Variants in TMEM231 observed in about 807,000 individuals in gnomAD.
TMEM231 encodes transmembrane protein 231.
TMEM231 carries 40 observed loss-of-function variants against 38.5 expected under a neutral mutation model. The ratio of observed to expected loss-of-function variants is 1.04; its 90% CI spans 0.81 to 1.35. The LOEUF (loss-of-function observed/expected upper bound fraction) is 1.35. TMEM231 is among the 40% of genes most tolerant of loss of function. TMEM231 has a pLI of 0.00. For synonymous variants in TMEM231, 199 were observed against 181.7 expected, an observed-to-expected ratio of 1.10 and a Z score of -0.77; for missense variants, 420 against 416.9, an observed-to-expected ratio of 1.01 and a Z score of -0.07.
At chr16:75,548,857 G>C (rs1204591714) in intron 2 of TMEM231, among the ~76,000 whole-genome samples, 4 of 152,186 alleles carry the variant, frequency 2.6e-5, no homozygotes, top group Non-Finnish European at 4.4e-5. Flanking sequence ...GACAGAGCAA[G>C]ACTCTATCTC....
intron 2 of TMEM231, among the ~76,000 whole-genome samples, chr16:75,552,753 C>T (rs1207089227): frequency 1.3e-5 from 2 of 152,164 alleles, no homozygotes; most frequent in Non-Finnish European, 2.9e-5. Context: ...CAGGTGTAAG[C>T]AATGAGAACT....
intron 4 of TMEM231, among the ~76,000 whole-genome samples, chr16:75,543,139 C>G (rs2080647098): frequency 6.6e-6 from 1 of 151,856 alleles, no homozygotes; most frequent in Non-Finnish European, 1.5e-5. Flanking sequence ...ATCCCAGTGA[C>G]TTGGGAGGCT....
Position 75,539,041 on chromosome 16 carries a change from C to T in TMEM231, c.*953G>A, listed in dbSNP as rs1452199270. 1 of 152,200 alleles carries T rather than the reference C, an allele frequency of 6.6e-6. No individual in the cohort carries two copies. Among genetic ancestry groups the T allele is most frequent in the Non-Finnish European group, 1.5e-5 (1 of 68,060 alleles). 9.4% of individuals were successfully genotyped at this position (152,200 alleles called of 1,614,324 possible). A position where few individuals can be genotyped will look rare whatever the true frequency, so the allele number is the denominator to read the frequency against. On this transcript the variant is annotated 3_prime_UTR_variant, in exon 7 of 7. Transcript: ENST00000258173. ...GTCAAGGGAAACGCCAGCCGCTGGGCTTCCCGCTAGCCTTCCAAATAAACT... is the reference window on the plus strand; with the variant it reads ...GTCAAGGGAAACGCCAGCCGCTGGGTTTCCCGCTAGCCTTCCAAATAAACT...
chr16:75,555,866 A>C lies in TMEM231; in HGVS notation c.247T>G (p.Trp83Gly), dbSNP rs774091057. 9 of 1,588,990 alleles carry C rather than the reference A, an allele frequency of 5.7e-6. No individual in the cohort carries two copies. The highest frequency in any genetic ancestry group is 2.7e-5 in the African/African-American group (2 of 74,308). Residue 83 changes from tryptophan (W) to glycine (G), a missense_variant, in exon 2 of 7, where the codon TGG becomes GGG. By Grantham distance (184) the Trp-to-Gly change is radical (BLOSUM62 -2). Transcript: ENST00000258173. ...CGGTTGAAGGCGGGGAACGTGCTCCAGGCGAGGAACCCGTCGCTTTCGGGT... is the reference window on the plus strand; with the variant it reads ...CGGTTGAAGGCGGGGAACGTGCTCCCGGCGAGGAACCCGTCGCTTTCGGGT... ...LGPESDGFLA[W>G]STFPAFNRLQ...
In TMEM231 at chr16:75,538,075, T is replaced by A. The variant is rs1408251310; in HGVS notation, c.*1919A>T. ...TGCAACCTCTGCCCTCCCTATTCTTTGCCATTCCAAACCCTTTCCCTCGAA... is the reference window on the plus strand; with the variant it reads ...TGCAACCTCTGCCCTCCCTATTCTTAGCCATTCCAAACCCTTTCCCTCGAA... On this transcript the variant is annotated 3_prime_UTR_variant, in exon 7 of 7. Transcript: ENST00000258173. The A allele has an allele frequency of 6.6e-6, 1 of 152,232 alleles. No individual in the cohort carries two copies. Among genetic ancestry groups the A allele is most frequent in the East Asian group, 1.9e-4 (1 of 5,202 alleles). 9.4% of individuals were successfully genotyped at this position (152,232 alleles called of 1,614,324 possible). A position where few individuals can be genotyped will look rare whatever the true frequency, so the allele number is the denominator to read the frequency against.
intron 2 of TMEM231, among the ~76,000 whole-genome samples, chr16:75,553,579 G>A (rs373548348): frequency 9.8e-4 from 143 of 145,534 alleles, no homozygotes; most frequent in African/African-American, 3.3e-3. Flanking sequence ...CTGAGATTGT[G>A]CCACTGCATT....
chr16:75,556,079 C>T lies in TMEM231; in HGVS notation c.131G>A (p.Arg44Gln), dbSNP rs368402335. 19 of 1,567,270 alleles carry T rather than the reference C, an allele frequency of 1.2e-5. No homozygotes were observed. The African/African-American group carries it at 2.3e-4, about 19-fold the overall frequency. ...GGCCGGGGCAGGCTCACCGTGGCTC[C>T]GGAAGGCCACCAGCAGCGGCGGGAT... ...TYIPPLLVAF[R>Q]SHGFWLKRSS... Residue 44 changes from arginine to glutamine, a missense_variant, in exon 1 of 7, where the codon CGG (arginine) becomes CAG (glutamine). Physicochemically the swap from Arg to Gln is conservative, Grantham distance 43. Coordinates refer to ENST00000258173, the MANE Select transcript of TMEM231 (RefSeq NM_001077418.3).
intron 2 of TMEM231, among the ~76,000 whole-genome samples, chr16:75,553,636 A>G (rs951224045): frequency 1.3e-4 from 19 of 151,754 alleles, no homozygotes; most frequent in Non-Finnish European, 1.9e-4. Flanking sequence ...AAAAAAAAAA[A>G]AAAGAAAAGA....
At chr16:75,545,258 C>A (rs2080673707) in intron 4 of TMEM231, 94 bp downstream of exon 4, 17 of 1,517,240 alleles carry the variant, frequency 1.1e-5, no homozygotes, top group Non-Finnish European at 1.5e-5. Flanking sequence ...CTGCGCCTGG[C>A]CTGACATTTC....
At chr16:75,541,930 A>G (rs2080632288) in intron 5 of TMEM231, 1 of 153,242 alleles carries the variant, frequency 6.5e-6, no homozygotes, top group Admixed American at 6.5e-5. Flanking sequence ...AATTCCCTCT[A>G]TTATTGCAAT....
At chr16:75,549,159 G>A (rs2080727447) in intron 2 of TMEM231, among the ~76,000 whole-genome samples, 1 of 152,190 alleles carries the variant, frequency 6.6e-6, no homozygotes. Flanking sequence ...CACCCTCCTG[G>A]GGCTGGCGAA....
intron 4 of TMEM231, among the ~76,000 whole-genome samples, chr16:75,543,192 T>G (rs371125580): frequency 1.6e-4 from 25 of 151,822 alleles, no homozygotes; most frequent in East Asian, 5.8e-4. Context: ...AAGGCCGTAG[T>G]CAATGATGAT....
Position 75,536,986 on chromosome 16 carries a change from G to C in TMEM231, c.*3008C>G, listed in dbSNP as rs1046176406. On this transcript the variant is annotated 3_prime_UTR_variant, in exon 7 of 7. Transcript: ENST00000258173. ...AAAACACAAAAATTAGCCGGGCATG[G>C]TGGTGGGCACCCGTAATCCCAGCTA... 6.6e-6 allele frequency: 1 copy of C among 152,128 alleles called. No homozygotes were observed. The highest frequency in any genetic ancestry group is 2.4e-5 in the African/African-American group (1 of 41,410). The allele number at this position is 152,128 out of a possible 1,614,324, so 9.4% of individuals were successfully genotyped here. A position where few individuals can be genotyped will look rare whatever the true frequency, so the allele number is the denominator to read the frequency against.
Position 75,540,152 on chromosome 16 carries a change from T to A in TMEM231, c.793A>T (p.Met265Leu). ...VISYQPGFWE[M>L]VKFAWVQYVS... ...TACTGCACCCAGGCGAACTTTACCA[T>A]CTCCCAGAATCCTGGCTGATAAGTA... Residue 265 changes from methionine to leucine, a missense_variant, in exon 7 of 7, where the codon ATG (methionine) becomes TTG (leucine). Met to Leu is a conservative substitution (Grantham distance 15, BLOSUM62 2). Transcript: ENST00000258173. 6.2e-7 allele frequency: 1 copy of A among 1,613,308 alleles called. No individual in the cohort carries two copies. Among genetic ancestry groups the A allele is most frequent in the East Asian group, 2.2e-5 (1 of 44,870 alleles).
intron 2 of TMEM231, among the ~76,000 whole-genome samples, chr16:75,551,133 T>A (rs1055735720): frequency 1.3e-5 from 2 of 152,260 alleles, no homozygotes; most frequent in African/African-American, 4.8e-5. Context: ...TGGCACCAGT[T>A]GTGGGTCTCT....
rs1259488238 is a variant in TMEM231 at position 75,542,817 on chromosome 16, C to A, written c.583-134G>T. On this transcript the variant is annotated intron_variant, in intron 4 of 6. Transcript: ENST00000258173. ...GGTGGCCTACTGCAGTATCAATAAT[C>A]TTTTCTTCAAAGATGAATAAAACAG... 9 of 671,286 alleles carry A rather than the reference C, an allele frequency of 1.3e-5. No homozygotes were observed. The East Asian group carries it at 2.6e-4, about 19-fold the overall frequency. The allele number at this position is 671,286 out of a possible 1,614,324, so 41.6% of individuals were successfully genotyped here.
intron 4 of TMEM231, 73 bp downstream of exon 4, chr16:75,545,279 T>C (rs369553164): frequency 6.5e-7 from 1 of 1,546,750 alleles, no homozygotes; most frequent in Non-Finnish European, 8.8e-7. Context: ...TACTTTTCAT[T>C]CCCCTCTTTA....
intron 4 of TMEM231, among the ~76,000 whole-genome samples, chr16:75,544,059 C>T (rs1023831576): frequency 6.6e-6 from 1 of 152,190 alleles, no homozygotes; most frequent in African/African-American, 2.4e-5. Context: ...AAGATTTGAG[C>T]CTTTGGGAAA....
At chr16:75,540,787 G>A (rs2080617197) in intron 6 of TMEM231, among the ~76,000 whole-genome samples, 1 of 152,190 alleles carries the variant, frequency 6.6e-6, no homozygotes, top group Non-Finnish European at 1.5e-5. Context: ...TAGAAGAATT[G>A]CTTGGAAACA....
Sources: allele counts gnomAD v4.1 joint callset (sites outside exome capture counted in the v4.1 genomes callset), GRCh38; gene constraint gnomAD v4.1.1; transcripts MANE v1.5; gene names NCBI Gene and HGNC (gene_info 2026-07-23, HGNC 2026-07-21).